Variants in MEOX2 observed in about 807,000 individuals in gnomAD.
MEOX2 encodes the protein mesenchyme homeobox 2.
MEOX2 carries 11 observed loss-of-function variants against 27.0 expected under a neutral mutation model. The observed-to-expected ratio is 0.41, with a 90% CI of 0.26 to 0.68. MEOX2 has a LOEUF of 0.68. MEOX2 is among the 30% of genes least tolerant of loss of function. MEOX2 has a pLI of 0.33. For synonymous variants in MEOX2, 189 were observed against 155.4 expected, an observed-to-expected ratio of 1.22 and a Z score of -1.61; for missense variants, 436 against 385.4, an observed-to-expected ratio of 1.13 and a Z score of -1.10.
chr7:15,677,182 A>G (rs560258643), intron 1 of MEOX2, among the ~76,000 whole-genome samples: 117 of 152,362 alleles, frequency 7.7e-4, no homozygotes, highest in African/African-American at 2.7e-3. Context: ...AAATGCAAAC[A>G]GGTAGCATAA....
At chr7:15,684,903 CTT>C (rs1376635766) in intron 1 of MEOX2, among the ~76,000 whole-genome samples, 1 of 152,212 alleles carries the variant, frequency 6.6e-6, no homozygotes, top group African/African-American at 2.4e-5. Context: ...TGTCTGGAAA[CTT>C]TGAGTTTCTC....
chr7:15,620,342 T>C (rs1781202290), intron 2 of MEOX2, among the ~76,000 whole-genome samples: 1 of 152,190 alleles, frequency 6.6e-6, no homozygotes, highest in Non-Finnish European at 1.5e-5. Flanking sequence ...CATGGAGACA[T>C]AATTAGCTAA....
chr7:15,680,124 A>G (rs1208323911), intron 1 of MEOX2: 2 of 151,964 alleles, frequency 1.3e-5, no homozygotes, highest in Non-Finnish European at 2.9e-5. Context: ...TGACCCATGA[A>G]AATTAATAAC....
chr7:15,654,231 T>G (rs1437497731), intron 1 of MEOX2, among the ~76,000 whole-genome samples: 1 of 151,956 alleles, frequency 6.6e-6, no homozygotes, highest in East Asian at 1.9e-4. Flanking sequence ...AATAAAATTA[T>G]GTAATTTTTG....
At chr7:15,640,897 C>T (rs944337341) in intron 1 of MEOX2, among the ~76,000 whole-genome samples, 4 of 152,084 alleles carry the variant, frequency 2.6e-5, no homozygotes, top group African/African-American at 7.2e-5. Context: ...GATGAATTAT[C>T]TTTTTTGATA....
At chr7:15,646,168 A>G (rs1197862736) in intron 1 of MEOX2, among the ~76,000 whole-genome samples, 1 of 152,206 alleles carries the variant, frequency 6.6e-6, no homozygotes, top group Non-Finnish European at 1.5e-5. Flanking sequence ...TAGTTTTAAC[A>G]TCTCTCTACT....
chr7:15,661,040 A>AG (rs1562609442), intron 1 of MEOX2, among the ~76,000 whole-genome samples: 11 of 149,974 alleles, frequency 7.3e-5, no homozygotes, highest in African/African-American at 1.2e-4. Flanking sequence ...AAAAAAAAAA[A>AG]AGAGAAAGAG....
At chr7:15,656,963 C>G (rs2115380825) in intron 1 of MEOX2, among the ~76,000 whole-genome samples, 1 of 152,104 alleles carries the variant, frequency 6.6e-6, no homozygotes, top group African/African-American at 2.4e-5. Flanking sequence ...TTCTGAGTAC[C>G]AAATCCTGAG....
chr7:15,663,952 T>G (rs138908231), intron 1 of MEOX2, among the ~76,000 whole-genome samples: 2 of 152,272 alleles, frequency 1.3e-5, no homozygotes, highest in East Asian at 1.9e-4. Flanking sequence ...GACAGACAGA[T>G]AGATGATAGA....
At chr7:15,684,968 G>A (rs892849208) in intron 1 of MEOX2, among the ~76,000 whole-genome samples, 1 of 152,230 alleles carries the variant, frequency 6.6e-6, no homozygotes, top group African/African-American at 2.4e-5. Context: ...CAGAGGTCAG[G>A]AAGGTTCCCC....
chr7:15,654,396 C>T (rs1781787918), intron 1 of MEOX2, among the ~76,000 whole-genome samples: 1 of 151,472 alleles, frequency 6.6e-6, no homozygotes. Flanking sequence ...GATCTGTATG[C>T]ATTTTATTTC....
chr7:15,666,768 AAAAAAAAAAAAAT>A (rs1422030994), intron 1 of MEOX2, among the ~76,000 whole-genome samples: 4 of 82,188 alleles, frequency 4.9e-5, no homozygotes, highest in African/African-American at 1.2e-4. Flanking sequence ...AAAAAAAAAA[AAAAAAAAAAAAAT>A]ATATATATAT....
chr7:15,658,319 T>G (rs1238921689), intron 1 of MEOX2, among the ~76,000 whole-genome samples: 1 of 152,190 alleles, frequency 6.6e-6, no homozygotes, highest in Non-Finnish European at 1.5e-5. Flanking sequence ...TCACTCAGCC[T>G]TCACTAGTGT....
chr7:15,619,120 G>A (rs999944378), intron 2 of MEOX2, among the ~76,000 whole-genome samples: 2 of 151,982 alleles, frequency 1.3e-5, no homozygotes, highest in African/African-American at 4.8e-5. Context: ...CAGAACATAT[G>A]TATGTACTCT....
intron 1 of MEOX2, among the ~76,000 whole-genome samples, chr7:15,663,801 C>T (rs546821740): frequency 3.3e-5 from 5 of 152,184 alleles, no homozygotes; most frequent in African/African-American, 1.2e-4. Flanking sequence ...CAGTAAGAAG[C>T]AAATCATAGC....
At chr7:15,627,451 C>A (rs1347803221) in intron 1 of MEOX2, among the ~76,000 whole-genome samples, 1 of 151,952 alleles carries the variant, frequency 6.6e-6, no homozygotes, top group Admixed American at 6.6e-5. Context: ...AAGTAAAATT[C>A]TTGAGGGCAA....
In MEOX2 at chr7:15,623,440, A is replaced by G. The variant is rs1209297804; in HGVS notation, c.690+3306T>C. 2.0e-5 allele frequency among the ~76,000 whole-genome samples: 3 copies of G among 152,112 alleles called. No homozygotes were observed. The East Asian group carries it at 5.8e-4, about 29-fold the overall frequency. Reference sequence around the variant, plus strand: ...GCAGGAGTGCAGTGGTGCAAACTCAACTCACTGCAACTTCTGCCTCCCAGG... The same window carrying G: ...GCAGGAGTGCAGTGGTGCAAACTCAGCTCACTGCAACTTCTGCCTCCCAGG... On this transcript the variant is annotated intron_variant, in intron 2 of 2. Coordinates refer to ENST00000262041, the MANE Select transcript of MEOX2 (RefSeq NM_005924.5).
intron 1 of MEOX2, among the ~76,000 whole-genome samples, chr7:15,659,015 T>C (rs1460609388): frequency 6.6e-6 from 1 of 152,206 alleles, no homozygotes; most frequent in African/African-American, 2.4e-5. Context: ...ACTTTCTTTT[T>C]GTAAGACAGG....
intron 1 of MEOX2, among the ~76,000 whole-genome samples, chr7:15,650,852 C>T (rs1781722656): frequency 6.6e-6 from 1 of 152,034 alleles, no homozygotes; most frequent in Non-Finnish European, 1.5e-5. Flanking sequence ...AACAGAGGCA[C>T]TCGATCTGCC....
Sources: gnomAD v4.1 joint callset for allele counts (sites outside exome capture counted in the v4.1 genomes callset) on GRCh38, gnomAD v4.1.1 for gene constraint, MANE v1.5 for transcripts, NCBI Gene and HGNC (gene_info 2026-07-23, HGNC 2026-07-21) for gene names.